The following SYN3 variants were observed in gnomAD, a reference collection of about 807,000 sequenced individuals.
SYN3 encodes the protein synapsin-3.
In SYN3, 35 loss-of-function variants were observed where a neutral mutation model predicts 65.8. The observed-to-expected ratio is 0.53, with a 90% confidence interval of 0.41 to 0.70. SYN3 has a LOEUF of 0.70. SYN3 is among the 30% of genes least tolerant of loss of function. The probability of loss-of-function intolerance (pLI) is 0.00; values close to 1 mark genes in which losing one functional copy is unlikely to be tolerated. For missense variants in SYN3, 680 were observed against 749.0 expected (o/e 0.91, Z 1.08); for synonymous variants, 270 against 292.9 (o/e 0.92, Z 0.80).
chr22:32,956,138 C>T (rs2051454785), intron 3 of SYN3, among the ~76,000 whole-genome samples: 1 of 131,860 alleles, frequency 7.6e-6, no homozygotes, highest in South Asian at 2.3e-4. Flanking sequence ...AGAACCTGTC[C>T]CCCTCCCAGC....
chr22:32,702,714 G>T (rs929508878), intron 6 of SYN3, among the ~76,000 whole-genome samples: 1 of 149,648 alleles, frequency 6.7e-6, no homozygotes, highest in Non-Finnish European at 1.5e-5. Flanking sequence ...AATCCTGAAA[G>T]AACTGGGTAT....
At chr22:32,633,380 C>G (rs886104208) in intron 6 of SYN3, among the ~76,000 whole-genome samples, 12 of 152,098 alleles carry the variant, frequency 7.9e-5, no homozygotes, top group African/African-American at 2.9e-4. Flanking sequence ...CCTGGGGTTC[C>G]TGAAACCTAG....
intron 6 of SYN3, among the ~76,000 whole-genome samples, chr22:32,785,281 T>C (rs756028197): frequency 2.6e-5 from 4 of 152,146 alleles, no homozygotes; most frequent in Non-Finnish European, 5.9e-5. Context: ...CCCAGGGCTC[T>C]TTCCTTCAAT....
chr22:32,844,928 T>A (rs2048018009), intron 6 of SYN3, among the ~76,000 whole-genome samples: 2 of 152,218 alleles, frequency 1.3e-5, no homozygotes, highest in Non-Finnish European at 2.9e-5. Context: ...AAGGTCTCAC[T>A]GTGTTGCCCA....
intron 6 of SYN3, among the ~76,000 whole-genome samples, chr22:32,855,655 T>C (rs931265368): frequency 1.3e-5 from 2 of 152,170 alleles, no homozygotes; most frequent in Non-Finnish European, 2.9e-5. Context: ...CTCAGTACCA[T>C]TGACATTTGG....
intron 6 of SYN3, among the ~76,000 whole-genome samples, chr22:32,724,830 C>G (rs112941262): frequency 0.017 from 2,533 of 152,270 alleles, 60 homozygotes; most frequent in African/African-American, 0.052. Flanking sequence ...AGGCCAAACA[C>G]CTCTTCTGGG....
intron 6 of SYN3, among the ~76,000 whole-genome samples, chr22:32,663,247 G>A (rs1042228386): frequency 6.6e-6 from 1 of 151,668 alleles, no homozygotes; most frequent in Non-Finnish European, 1.5e-5. Flanking sequence ...TGATTGTGAG[G>A]CCTCCCCAGC....
At chr22:32,527,245 T>G (rs961898824) in intron 12 of SYN3, among the ~76,000 whole-genome samples, 2 of 152,140 alleles carry the variant, frequency 1.3e-5, no homozygotes, top group Admixed American at 6.5e-5. Flanking sequence ...ACTTCCTAGG[T>G]TTGAAAGGTC....
At chr22:33,032,316 T>C (rs2413161) in intron 1 of SYN3, among the ~76,000 whole-genome samples, 27,299 of 151,876 alleles carry the variant, frequency 0.18, 2,772 homozygotes, top group East Asian at 0.41. Flanking sequence ...GAGACCAGCC[T>C]GGCCAACATG....
At chr22:32,767,277 C>T (rs533441609) in intron 6 of SYN3, among the ~76,000 whole-genome samples, 24 of 152,252 alleles carry the variant, frequency 1.6e-4, no homozygotes, top group African/African-American at 4.6e-4. Context: ...TTTGTCTCCA[C>T]GTTTCTTAAA....
intron 13 of SYN3, among the ~76,000 whole-genome samples, chr22:32,517,841 C>T (rs1386724025): frequency 3.9e-5 from 6 of 152,104 alleles, no homozygotes; most frequent in Non-Finnish European, 7.3e-5. Flanking sequence ...CACGGAGGGT[C>T]ACGGTGGTGT....
intron 6 of SYN3, among the ~76,000 whole-genome samples, chr22:32,634,612 T>C (rs9619282): frequency 0.099 from 15,035 of 152,240 alleles, 1,691 homozygotes; most frequent in African/African-American, 0.28. Context: ...GCGAGGGGTT[T>C]CATGGCTTCC....
intron 6 of SYN3, among the ~76,000 whole-genome samples, chr22:32,822,940 CAGAG>C (rs1003652687): frequency 5.2e-5 from 6 of 115,254 alleles, no homozygotes; most frequent in Non-Finnish European, 1.1e-4. Context: ...AAAAAAAAAA[CAGAG>C]AGAGAGAGAT....
At chr22:32,879,713 T>C (rs545173533) in intron 4 of SYN3, among the ~76,000 whole-genome samples, 109 of 152,216 alleles carry the variant, frequency 7.2e-4, no homozygotes, top group Non-Finnish European at 9.4e-4. Flanking sequence ...AGGATAGGAA[T>C]ATACTTTTGT....
rs915389921 is a variant in SYN3, at chr22:32,581,224, T to C, written c.774+15450A>G. 7.9e-5 allele frequency among the ~76,000 whole-genome samples: 12 copies of C among 152,192 alleles called. No homozygotes were observed. In the East Asian group the frequency reaches 2.3e-3, roughly 29 times the overall value. On this transcript the variant is annotated intron_variant, in intron 7 of 13. Coordinates refer to ENST00000358763, the MANE Select transcript of SYN3 (RefSeq NM_003490.4). ...TCCCAGGTTCAAATAATTCTTGTGCTTCAGCTTCCTGAGCAGCTGAGACTA... is the reference window on the plus strand; with the variant it reads ...TCCCAGGTTCAAATAATTCTTGTGCCTCAGCTTCCTGAGCAGCTGAGACTA...
intron 6 of SYN3, among the ~76,000 whole-genome samples, chr22:32,615,450 A>AAAT (rs2059505276): frequency 6.9e-6 from 1 of 145,690 alleles, no homozygotes; most frequent in African/African-American, 2.5e-5. Context: ...AAAAAAAAAA[A>AAAT]AGAAAAAAAG....
chr22:33,010,092 C>T (rs558895170), intron 1 of SYN3, among the ~76,000 whole-genome samples: 5 of 152,154 alleles, frequency 3.3e-5, no homozygotes, highest in Admixed American at 2.6e-4. Flanking sequence ...ATTAGCTGGG[C>T]ATGGTGGTGT....
intron 4 of SYN3, among the ~76,000 whole-genome samples, chr22:32,897,372 A>G (rs1356492096): frequency 6.6e-6 from 1 of 152,234 alleles, no homozygotes; most frequent in Non-Finnish European, 1.5e-5. Context: ...TGCTGCGTGC[A>G]GCTCATCCCT....
At chr22:32,947,621 T>C (rs2051153056) in intron 3 of SYN3, 1 of 152,158 alleles carries the variant, frequency 6.6e-6, no homozygotes, top group Non-Finnish European at 1.5e-5. Context: ...GAGGTGTCGT[T>C]TGTAGCTGGG....
Sources: allele counts gnomAD v4.1 joint callset (sites outside exome capture counted in the v4.1 genomes callset), GRCh38; gene constraint gnomAD v4.1.1; transcripts MANE v1.5; gene names NCBI Gene and HGNC (gene_info 2026-07-23, HGNC 2026-07-21).